Variants in FERRY3 observed in about 807,000 individuals in gnomAD.
FERRY3 encodes protein C12orf4.
chr12:4,504,670 T>G, the FERRY3 span, among the ~76,000 whole-genome samples: 1 of 152,206 alleles, frequency 6.6e-6, no homozygotes, highest in African/African-American at 2.4e-5. Context: ...TAAAACTAAT[T>G]TTTTGGTTTA....
the FERRY3 span, among the ~76,000 whole-genome samples, chr12:4,510,965 AC>A: frequency 6.6e-6 from 1 of 152,202 alleles, no homozygotes; most frequent in South Asian, 2.1e-4. Context: ...AAGAGTCAAG[AC>A]CCATCAGTGT....
chr12:4,510,920 C>A, the FERRY3 span, among the ~76,000 whole-genome samples: 1 of 152,080 alleles, frequency 6.6e-6, no homozygotes, highest in Non-Finnish European at 1.5e-5. Context: ...GGACTAAATT[C>A]TCCAATTAAA....
At chr12:4,518,020 G>A in the FERRY3 span, 5 of 1,557,904 alleles carry the variant, frequency 3.2e-6, no homozygotes, top group Non-Finnish European at 4.4e-6. Context: ...GTTACAGGAT[G>A]AAATTTAACA....
the FERRY3 span, among the ~76,000 whole-genome samples, chr12:4,504,347 G>A: frequency 6.6e-6 from 1 of 152,156 alleles, no homozygotes; most frequent in Non-Finnish European, 1.5e-5. Flanking sequence ...GTACCATTTA[G>A]TTAAAAAATT....
chr12:4,493,331 A>C, the FERRY3 span, among the ~76,000 whole-genome samples: 1 of 152,170 alleles, frequency 6.6e-6, no homozygotes, highest in Admixed American at 6.5e-5. Flanking sequence ...TATTACCTTT[A>C]CAATGCCTTC....
At chr12:4,530,046 G>A in the FERRY3 span, 7 of 1,610,682 alleles carry the variant, frequency 4.3e-6, no homozygotes, top group East Asian at 2.2e-5. Flanking sequence ...ATGCTCTAAC[G>A]TGGTCTACAA....
the FERRY3 span, among the ~76,000 whole-genome samples, chr12:4,531,157 CCACATCAAAAGG>C: frequency 2.4e-4 from 37 of 152,176 alleles, no homozygotes; most frequent in African/African-American, 6.8e-4. Context: ...CAATCAGTTG[CCACATCAAAAGG>C]CAGGAGACTA....
At chr12:4,500,314 T>G in the FERRY3 span, 1 of 1,613,940 alleles carries the variant, frequency 6.2e-7, no homozygotes. Context: ...TCTGAGAGAT[T>G]AGAATGCCGT....
At chr12:4,511,499 C>T in the FERRY3 span, among the ~76,000 whole-genome samples, 1 of 151,370 alleles carries the variant, frequency 6.6e-6, no homozygotes, top group African/African-American at 2.4e-5. Context: ...GTAAAGCTCT[C>T]CTCAGCAAAT....
At chr12:4,531,825 C>A in the FERRY3 span, among the ~76,000 whole-genome samples, 1 of 152,208 alleles carries the variant, frequency 6.6e-6, no homozygotes, top group Non-Finnish European at 1.5e-5. Context: ...TGCCCCACAT[C>A]CTGCCATCAA....
the FERRY3 span, among the ~76,000 whole-genome samples, chr12:4,525,777 G>A: frequency 6.6e-6 from 1 of 152,196 alleles, no homozygotes; most frequent in Non-Finnish European, 1.5e-5. Context: ...CGATGATAGT[G>A]TCATATAATA....
the FERRY3 span, among the ~76,000 whole-genome samples, chr12:4,499,238 T>C: frequency 1.3e-5 from 2 of 152,174 alleles, no homozygotes; most frequent in African/African-American, 4.8e-5. Context: ...GGTCTTGAAC[T>C]CTGGGCTAAA....
the FERRY3 span, chr12:4,505,373 TC>T: frequency 3.1e-6 from 5 of 1,601,412 alleles, no homozygotes; most frequent in Non-Finnish European, 3.4e-6. Context: ...CATTTTGGTT[TC>T]CAGAATCTAT....
chr12:4,532,959 C>T, the FERRY3 span, among the ~76,000 whole-genome samples: 1 of 152,186 alleles, frequency 6.6e-6, no homozygotes, highest in Non-Finnish European at 1.5e-5. Flanking sequence ...TGGTGACAAA[C>T]TGGTGCCACT....
the FERRY3 span, among the ~76,000 whole-genome samples, chr12:4,500,898 G>A: frequency 3.9e-5 from 6 of 152,282 alleles, no homozygotes; most frequent in East Asian, 1.9e-4. Context: ...TGATCCGCCC[G>A]CCTTGGCCTC....
At chr12:4,506,719 AT>A in the FERRY3 span, among the ~76,000 whole-genome samples, 3 of 151,942 alleles carry the variant, frequency 2.0e-5, no homozygotes, top group African/African-American at 4.8e-5. Context: ...GGCTAGTTTT[AT>A]TTTTTTTAAA....
At chr12:4,501,314 A>T in the FERRY3 span, among the ~76,000 whole-genome samples, 1 of 152,184 alleles carries the variant, frequency 6.6e-6, no homozygotes, top group East Asian at 1.9e-4. Flanking sequence ...GTTATGACTT[A>T]AATATATATC....
the FERRY3 span, chr12:4,518,946 TATA>T: frequency 1.9e-6 from 2 of 1,070,390 alleles, no homozygotes; most frequent in Middle Eastern, 4.3e-4. Flanking sequence ...AGGAAAGCTT[TATA>T]ATGAGAGAAA....
chr12:4,532,212 G>T, the FERRY3 span, among the ~76,000 whole-genome samples: 1 of 151,838 alleles, frequency 6.6e-6, no homozygotes, highest in Admixed American at 6.6e-5. Context: ...CCCTGGTCCA[G>T]GCCACGTAGC....
Sources: allele counts gnomAD v4.1 joint callset (sites outside exome capture counted in the v4.1 genomes callset), GRCh38; gene constraint gnomAD v4.1.1; transcripts MANE v1.5; gene names NCBI Gene and HGNC (gene_info 2026-07-23, HGNC 2026-07-21).